CD9: variants seen among roughly 807,000 people sequenced by gnomAD.
CD9 encodes the protein CD9 antigen.
CD9 carries 10 observed loss-of-function variants against 31.4 expected under a neutral mutation model. The observed-to-expected ratio is 0.32, with a 90% CI of 0.20 to 0.54. The LOEUF (loss-of-function observed/expected upper bound fraction) is 0.54, where lower values mean the gene tolerates loss of function less well. Among genes scored for constraint, CD9 ranks in the 20% least tolerant of loss-of-function variants. The pLI is 0.94. For missense variants in CD9, 259 were observed against 300.1 expected (o/e 0.86, Z 1.01); for synonymous variants, 113 against 114.1 (o/e 0.99, Z 0.06).
chr12:6,203,919 C>T (rs1035291393), intron 1 of CD9, among the ~76,000 whole-genome samples: 1 of 152,178 alleles, frequency 6.6e-6, no homozygotes, highest in Non-Finnish European at 1.5e-5. Context: ...CTCCCCACCT[C>T]CCTCAGCCCC....
In CD9 at chr12:6,235,321, C is replaced by T; in HGVS notation, c.441C>T (p.His147=). The change falls in exon 5 of 8, where the codon CAC becomes CAT. Residue 147 remains histidine (H), a synonymous_variant. Coordinates refer to ENST00000009180, the MANE Select transcript of CD9 (RefSeq NM_001769.4). ...EPQRETLKAI[H]YALNCCGLAG... is the part of the protein sequence containing the mutation. ...AGCGGGAAACGCTGAAAGCCATCCA[C>T]TATGCGGTATGTCGCCTTGGCAAAG... is the stretch of plus-strand genomic sequence containing the variant. 3 of 1,614,246 alleles carry T rather than the reference C, an allele frequency of 1.9e-6. No individual in the cohort carries two copies. The highest frequency in any genetic ancestry group is 1.1e-5 in the South Asian group (1 of 91,088).
chr12:6,204,961 G>A (rs1014207420), intron 1 of CD9, among the ~76,000 whole-genome samples: 1 of 152,188 alleles, frequency 6.6e-6, no homozygotes, highest in Non-Finnish European at 1.5e-5. Flanking sequence ...ATTTGGCTGC[G>A]GGAAGGCCCC....
intron 1 of CD9, among the ~76,000 whole-genome samples, chr12:6,216,653 A>G (rs926551473): frequency 9.2e-5 from 14 of 152,150 alleles, no homozygotes; most frequent in African/African-American, 3.4e-4. Context: ...ATTCCCATCC[A>G]GTCTTAGTGG....
At chr12:6,227,653 C>T (rs927920821) in intron 2 of CD9, among the ~76,000 whole-genome samples, 1 of 152,292 alleles carries the variant, frequency 6.6e-6, no homozygotes, top group East Asian at 1.9e-4. Flanking sequence ...AATAACTTGT[C>T]TAAGCTTATA....
At chr12:6,210,360 C>T (rs973538906) in intron 1 of CD9, among the ~76,000 whole-genome samples, 4 of 152,196 alleles carry the variant, frequency 2.6e-5, no homozygotes, top group Non-Finnish European at 5.9e-5. Context: ...CTTCCCAGAG[C>T]GCCGCCTCTG....
chr12:6,235,489 G>C lies in CD9; in HGVS notation c.461G>C (p.Gly154Ala). The C allele has an allele frequency of 6.2e-7, 1 of 1,614,034 alleles. No homozygotes were observed. Among genetic ancestry groups the C allele is most frequent in the Non-Finnish European group, 8.5e-7 (1 of 1,179,892 alleles). The change falls in exon 6 of 8, where the codon GGT (glycine) becomes GCT (alanine). Residue 154 changes from glycine (G) to alanine (A), a missense_variant. Transcript: ENST00000009180. ...KAIHYALNCCGLAGGVEQFIS... is the reference protein window; with the variant it reads ...KAIHYALNCCALAGGVEQFIS... ...TTCTCGCTGTAGTTGAACTGCTGTG[G>C]TTTGGCTGGGGGCGTGGAACAGTTT...
At chr12:6,233,368 G>A in intron 3 of CD9, 44 bp from the exon 4 acceptor site, 2 of 1,447,066 alleles carry the variant, frequency 1.4e-6, no homozygotes, top group African/African-American at 1.4e-5. Flanking sequence ...TTCCTGGCTG[G>A]TTGGCTGGGA....
chr12:6,217,348 C>G (rs544817892), intron 1 of CD9, among the ~76,000 whole-genome samples: 1 of 151,674 alleles, frequency 6.6e-6, no homozygotes, highest in Non-Finnish European at 1.5e-5. Flanking sequence ...ACGGTGAAAC[C>G]CTGTCTCTAC....
rs138381425 is a variant in CD9 at position 6,207,295 on chromosome 12, C to T, written c.66+6730C>T. ...ATAAGAAGCAGGTTGCCTCACCGTT[C>T]CCCGGGGGCTGCAATGGGGGCATCA... On this transcript the variant is annotated intron_variant, in intron 1 of 7. Coordinates refer to ENST00000009180, the MANE Select transcript of CD9 (RefSeq NM_001769.4). Among the ~76,000 whole-genome samples, 1,064 of 152,290 alleles carry T rather than the reference C, an allele frequency of 7.0e-3. 13 individuals carry two copies. Among genetic ancestry groups the T allele is most frequent in the African/African-American group, 0.023 (968 of 41,556 alleles).
At chr12:6,200,314 G>A, upstream of CD9, 1 of 360,242 alleles carries the variant, frequency 2.8e-6, no homozygotes, top group Non-Finnish European at 5.0e-6. Context: ...GAGTGGGGGC[G>A]GCTTTTCCCG....
At chr12:6,214,335 C>T (rs991980604) in intron 1 of CD9, among the ~76,000 whole-genome samples, 9 of 143,040 alleles carry the variant, frequency 6.3e-5, no homozygotes, top group Non-Finnish European at 1.1e-4. Context: ...GCAACTTGAC[C>T]ATTAGCCTCT....
chr12:6,222,967 T>C (rs1173808052), intron 1 of CD9, among the ~76,000 whole-genome samples: 1 of 152,216 alleles, frequency 6.6e-6, no homozygotes, highest in Non-Finnish European at 1.5e-5. Context: ...GGAAGTAAGA[T>C]GACTTGGGAG....
At position 6,237,927 on chromosome 12, in the gene CD9, T is replaced by C; in HGVS notation, c.*99T>C. The C allele has an allele frequency of 1.1e-6, 1 of 916,070 alleles. No individual in the cohort carries two copies. The highest frequency in any genetic ancestry group is 1.7e-6 in the Non-Finnish European group (1 of 571,944). The allele number at this position is 916,070 out of a possible 1,614,324, so 56.7% of individuals were successfully genotyped here. ...TTGTTTGTTGTTTGTTGTTTGTTTT[T>C]TTGCCACTAATTTTAGTATTCATTC... On this transcript the variant is annotated 3_prime_UTR_variant, in exon 8 of 8. Coordinates refer to ENST00000009180, the MANE Select transcript of CD9 (RefSeq NM_001769.4).
chr12:6,218,402 A>G (rs910569079), intron 1 of CD9, among the ~76,000 whole-genome samples: 1 of 152,130 alleles, frequency 6.6e-6, no homozygotes, highest in African/African-American at 2.4e-5. Flanking sequence ...GGCATGCAGT[A>G]TGCCCTCCCC....
At chr12:6,225,319 GACC>G in intron 1 of CD9, 104 bp from the exon 2 acceptor site, 1 of 747,954 alleles carries the variant, frequency 1.3e-6, no homozygotes. Context: ...GAGGGGCAGA[GACC>G]AAGGGTGGTC....
intron 1 of CD9, among the ~76,000 whole-genome samples, chr12:6,222,481 ATGT>A (rs1480112739): frequency 3.3e-5 from 5 of 152,146 alleles, no homozygotes; most frequent in African/African-American, 7.2e-5. Context: ...TTGTAGTGAA[ATGT>A]TGTAGCTTTG....
intron 4 of CD9, 33 bp downstream of exon 4, chr12:6,233,519 G>C: frequency 6.6e-7 from 1 of 1,519,980 alleles, no homozygotes; most frequent in Non-Finnish European, 9.1e-7. Flanking sequence ...CTTGGGTTTG[G>C]GAGTTGGGGG....
At chr12:6,213,259 A>G (rs181197054) in intron 1 of CD9, among the ~76,000 whole-genome samples, 1 of 152,220 alleles carries the variant, frequency 6.6e-6, no homozygotes. Context: ...ATATCTTCTC[A>G]CTTCAGTTCA....
Position 6,225,505 on chromosome 12 carries a change from C to T in CD9, c.146C>T (p.Thr49Ile). ...SQTKSIFEQE[T>I]NNNNSSFYTG... ...ACCAAGAGCATCTTCGAGCAAGAAA[C>T]TAATAATAATAATTCCAGCTTCTAC... Residue 49 changes from threonine (T) to isoleucine (I), a missense_variant, in exon 2 of 8, where the codon ACT (threonine) becomes ATT (isoleucine). Thr to Ile is a moderately conservative substitution (Grantham distance 89). Coordinates refer to ENST00000009180, the MANE Select transcript of CD9 (RefSeq NM_001769.4). 6.2e-7 allele frequency: 1 copy of T among 1,610,626 alleles called. No individual in the cohort carries two copies. Among genetic ancestry groups the T allele is most frequent in the Non-Finnish European group, 8.5e-7 (1 of 1,176,866 alleles).
Sources: allele counts gnomAD v4.1 joint callset (sites outside exome capture counted in the v4.1 genomes callset), GRCh38; gene constraint gnomAD v4.1.1; transcripts MANE v1.5; gene names NCBI Gene and HGNC (gene_info 2026-07-23, HGNC 2026-07-21).